Variants in CDHR3 observed in about 807,000 individuals in gnomAD.
CDHR3 encodes cadherin-related family member 3.
In CDHR3, 79 loss-of-function variants were observed where a neutral mutation model predicts 86.6. The observed-to-expected ratio is 0.91, with a 90% CI of 0.76 to 1.10. The LOEUF is 1.10. Among genes scored for constraint, CDHR3 ranks in the 50% least tolerant of loss-of-function variants. The probability of loss-of-function intolerance (pLI) is 0.00; values close to 1 mark genes in which losing one functional copy is unlikely to be tolerated. For missense variants in CDHR3, 1,081 were observed against 1,077.6 expected (o/e 1.00, Z -0.04); for synonymous variants, 421 against 402.4 (o/e 1.05, Z -0.55).
intron 5 of CDHR3, among the ~76,000 whole-genome samples, chr7:105,995,537 G>A (rs1585653121): frequency 2.0e-5 from 3 of 152,270 alleles, no homozygotes; most frequent in Non-Finnish European, 4.4e-5. Flanking sequence ...GACAGGGTCT[G>A]TCAAGATGGC....
intron 2 of CDHR3, among the ~76,000 whole-genome samples, chr7:105,975,378 A>ACAAG (rs1828648942): frequency 1.3e-5 from 2 of 152,080 alleles, no homozygotes; most frequent in Non-Finnish European, 2.9e-5. Context: ...AGTAGTTTGG[A>ACAAG]TATTGATCTC....
intron 1 of CDHR3, among the ~76,000 whole-genome samples, chr7:105,973,954 CA>C (rs1472699290): frequency 6.6e-6 from 1 of 151,518 alleles, no homozygotes; most frequent in Non-Finnish European, 1.5e-5. Flanking sequence ...AAGACTGTCT[CA>C]AAAAAACAAA....
chr7:106,004,308 G>A (rs1288184489), intron 7 of CDHR3, among the ~76,000 whole-genome samples, 190 bp from the exon 8 acceptor site: 1 of 152,248 alleles, frequency 6.6e-6, no homozygotes, highest in East Asian at 1.9e-4. Flanking sequence ...TCCTAGAAGG[G>A]TCAGGCCAGA....
rs755716083 is a variant in CDHR3 at position 106,020,445 on chromosome 7, C to T, written c.1726C>T (p.Pro576Ser). Residue 576 changes from proline (P) to serine (S), a missense_variant, in exon 13 of 19, where the codon CCA becomes TCA. By Grantham distance (74) the Pro-to-Ser change is moderately conservative. Coordinates refer to ENST00000317716, the MANE Select transcript of CDHR3 (RefSeq NM_152750.5). ...CTPNSYFLALPVDLKVGTNIQ... is the reference protein window; with the variant it reads ...CTPNSYFLALSVDLKVGTNIQ... ...TCCAAACTCTTATTTCCTGGCCCTC[C>T]CAGTGGATCTGAAAGTTGGCACAAA... 5.0e-6 allele frequency: 8 copies of T among 1,613,820 alleles called. No homozygotes were observed. In the African/African-American group the frequency reaches 1.1e-4, roughly 22 times the overall value.
intron 6 of CDHR3, among the ~76,000 whole-genome samples, chr7:106,000,684 A>G (rs1027099563): frequency 2.0e-5 from 3 of 152,144 alleles, no homozygotes; most frequent in Non-Finnish European, 4.4e-5. Flanking sequence ...TAAAACTCCC[A>G]ACCTATCAGT....
intron 1 of CDHR3, among the ~76,000 whole-genome samples, chr7:105,963,657 G>C (rs1826387899): frequency 6.6e-6 from 1 of 152,188 alleles, no homozygotes. Flanking sequence ...ATTTAAGGTT[G>C]GGAAAATAGT....
At chr7:105,964,074 C>CT (rs1826469733) in intron 1 of CDHR3, among the ~76,000 whole-genome samples, 1 of 152,068 alleles carries the variant, frequency 6.6e-6, no homozygotes, top group South Asian at 2.1e-4. Flanking sequence ...AGAAGAGTGT[C>CT]TGAGTACATA....
chr7:106,027,122 C>T (rs140486301), intron 16 of CDHR3, among the ~76,000 whole-genome samples: 2 of 152,198 alleles, frequency 1.3e-5, no homozygotes, highest in East Asian at 1.9e-4. Context: ...TAAGGCTGGG[C>T]GCAGTGACTC....
At chr7:106,006,022 C>G (rs1208652827) in intron 8 of CDHR3, among the ~76,000 whole-genome samples, 1 of 152,172 alleles carries the variant, frequency 6.6e-6, no homozygotes. Flanking sequence ...TTCCACATGG[C>G]TGGGGAAGCC....
At chr7:105,972,825 A>G (rs1274053004) in intron 1 of CDHR3, among the ~76,000 whole-genome samples, 1 of 152,184 alleles carries the variant, frequency 6.6e-6, no homozygotes, top group African/African-American at 2.4e-5. Context: ...CTTGTCCATA[A>G]AACTTGATAA....
rs116833819 is a variant in CDHR3, at chr7:105,989,153, C to A, written c.513+4864C>A. On this transcript the variant is annotated intron_variant, in intron 4 of 18. Coordinates refer to ENST00000317716, the MANE Select transcript of CDHR3 (RefSeq NM_152750.5). Reference sequence around the variant, plus strand: ...GTATGCATTAATAATGGGCTCAGAACATAGAGAAGGATGATCTGCATGTGA... The same window carrying A: ...GTATGCATTAATAATGGGCTCAGAAAATAGAGAAGGATGATCTGCATGTGA... Among the ~76,000 whole-genome samples, 1,196 of 152,154 alleles carry A rather than the reference C, an allele frequency of 7.9e-3. 17 individuals carry two copies. Among genetic ancestry groups the A allele is most frequent in the African/African-American group, 0.027 (1,133 of 41,510 alleles).
intron 1 of CDHR3, among the ~76,000 whole-genome samples, chr7:105,971,644 C>A (rs890397850): frequency 2.0e-5 from 3 of 152,138 alleles, no homozygotes; most frequent in Non-Finnish European, 4.4e-5. Flanking sequence ...TCTAGCAAAG[C>A]AAACCAGGAG....
At position 106,024,428 on chromosome 7, in the gene CDHR3, T is replaced by G. The variant is rs750796354; in HGVS notation, c.2124T>G (p.Ser708=). The G allele has an allele frequency of 1.2e-6, 2 of 1,613,942 alleles. No homozygotes were observed. Among genetic ancestry groups the G allele is most frequent in the Non-Finnish European group, 1.7e-6 (2 of 1,179,902 alleles). The part of the protein sequence containing the change: ...QVLRKNVYSP[S]AWYVPFVITL... Reference sequence around the variant, plus strand: ...TGAGGAAAAACGTTTACTCTCCATCTGCATGGTACGTGCCGTTTGTCATCA... The same window carrying G: ...TGAGGAAAAACGTTTACTCTCCATCGGCATGGTACGTGCCGTTTGTCATCA... Residue 708 remains serine (S), a synonymous_variant, in exon 15 of 19, where the codon TCT becomes TCG. Transcript: ENST00000317716.
intron 6 of CDHR3, among the ~76,000 whole-genome samples, chr7:105,999,236 G>C (rs1832752210): frequency 6.6e-6 from 1 of 152,200 alleles, no homozygotes; most frequent in Non-Finnish European, 1.5e-5. Context: ...CTGTATCTTG[G>C]ATTCAAAAAT....
At chr7:106,000,852 A>G (rs925104925) in intron 6 of CDHR3, among the ~76,000 whole-genome samples, 1 of 149,526 alleles carries the variant, frequency 6.7e-6, no homozygotes, top group Non-Finnish European at 1.5e-5. Context: ...GATTAATGCA[A>G]CTTGGAAAGG....
intron 11 of CDHR3, among the ~76,000 whole-genome samples, chr7:106,016,841 G>A (rs891736526): frequency 2.6e-5 from 4 of 152,142 alleles, no homozygotes; most frequent in East Asian, 1.9e-4. Context: ...TAACAAATTC[G>A]AAAGGAATAG....
At chr7:106,002,724 T>C (rs547493649) in intron 7 of CDHR3, among the ~76,000 whole-genome samples, 1 of 152,326 alleles carries the variant, frequency 6.6e-6, no homozygotes, top group South Asian at 2.1e-4. Context: ...ACTTACGTAA[T>C]TTCAAAGTCT....
At position 106,004,690 on chromosome 7, in the gene CDHR3, A is replaced by T. The variant is rs757523485; in HGVS notation, c.1052+3A>T. ...ACATGCCAAAAGTTCACCTTCAGGTATGCACACTTTGAAAGTTGGGCTGGA... is the reference window on the plus strand; with the variant it reads ...ACATGCCAAAAGTTCACCTTCAGGTTTGCACACTTTGAAAGTTGGGCTGGA... On this transcript the variant is annotated splice_donor_region_variant and intron_variant, in intron 8 of 18. Transcript: ENST00000317716. 1.7e-5 allele frequency: 27 copies of T among 1,613,840 alleles called. No individual in the cohort carries two copies. The Admixed American group carries it at 4.2e-4, about 25-fold the overall frequency.
At chr7:105,996,423 C>A in intron 6 of CDHR3, 69 bp downstream of exon 6, 2 of 820,452 alleles carry the variant, frequency 2.4e-6, no homozygotes, top group Non-Finnish European at 4.0e-6. Flanking sequence ...TCGTCTCCTC[C>A]GGCACATTTA....
Sources: gnomAD v4.1 joint callset for allele counts (sites outside exome capture counted in the v4.1 genomes callset) on GRCh38, gnomAD v4.1.1 for gene constraint, MANE v1.5 for transcripts, NCBI Gene and HGNC (gene_info 2026-07-23, HGNC 2026-07-21) for gene names.